CUL5: variants seen among roughly 807,000 people sequenced by gnomAD.
CUL5 encodes the protein cullin 5.
Under a neutral mutation model 108.8 loss-of-function variants are expected in CUL5, and 26 were observed. The ratio of observed to expected loss-of-function variants is 0.24; its 90% CI spans 0.18 to 0.33. The LOEUF (loss-of-function observed/expected upper bound fraction) is 0.33, where lower values mean the gene tolerates loss of function less well. Among genes scored for constraint, CUL5 ranks in the 10% least tolerant of loss-of-function variants. The pLI, the probability that CUL5 is intolerant of heterozygous loss-of-function variation, is 1.00. For missense variants in CUL5, 524 were observed against 909.2 expected (o/e 0.58, Z 5.45); for synonymous variants, 334 against 298.0 (o/e 1.12, Z -1.25).
chr11:108,064,574 G>A (rs950642523), intron 7 of CUL5, among the ~76,000 whole-genome samples: 1 of 152,114 alleles, frequency 6.6e-6, no homozygotes. Flanking sequence ...AGCGGGCGAG[G>A]TGTCAGGTGC....
chr11:108,101,556 T>C (rs572266968), intron 18 of CUL5, among the ~76,000 whole-genome samples: 2 of 152,364 alleles, frequency 1.3e-5, no homozygotes, highest in Admixed American at 6.5e-5. Flanking sequence ...CACACTGTCA[T>C]TGTTCTCTGC....
At position 108,052,643 on chromosome 11, in the gene CUL5, T is replaced by C. The variant is rs757316407; in HGVS notation, c.412-17T>C. 1 of 1,582,202 alleles carries C rather than the reference T, an allele frequency of 6.3e-7. No individual in the cohort carries two copies. Among genetic ancestry groups the C allele is most frequent in the East Asian group, 2.2e-5 (1 of 44,538 alleles). On this transcript the variant is annotated splice_polypyrimidine_tract_variant and intron_variant, in intron 4 of 18. Transcript: ENST00000393094. ...AATAATTGAAAATTATGTTACAATT[T>C]GTTCTTGTTTTCCTAGCTTATGCTT...
intron 11 of CUL5, among the ~76,000 whole-genome samples, chr11:108,086,395 GC>G (rs1261687283): frequency 6.6e-6 from 1 of 152,154 alleles, no homozygotes; most frequent in East Asian, 1.9e-4. Context: ...TTCAAGACCA[GC>G]CTGAGCAATG....
In CUL5 at chr11:108,106,578, C is replaced by T. The variant is rs1418139185; in HGVS notation, c.*2194C>T. On this transcript the variant is annotated 3_prime_UTR_variant, in exon 19 of 19. Transcript: ENST00000393094. ...TTGGTTATGTATACAAAAGTTTTAA[C>T]TACTTTTTGGTGTTTATGAAAATCA... 5.4e-5 allele frequency: 7 copies of T among 129,642 alleles called. No homozygotes were observed. The highest frequency in any genetic ancestry group is 2.0e-4 in the African/African-American group (7 of 34,510). 8.0% of individuals were successfully genotyped at this position (129,642 alleles called of 1,614,324 possible).
chr11:108,045,699 C>G (rs572719457), intron 2 of CUL5, among the ~76,000 whole-genome samples: 1 of 151,876 alleles, frequency 6.6e-6, no homozygotes, highest in African/African-American at 2.4e-5. Context: ...GTTTCTACAA[C>G]AAAATTTAAA....
chr11:108,046,288 T>C lies in CUL5; in HGVS notation c.153T>C (p.Cys51=). 2 of 1,612,248 alleles carry C rather than the reference T, an allele frequency of 1.2e-6. No individual in the cohort carries two copies. The highest frequency in any genetic ancestry group is 1.7e-6 in the Non-Finnish European group (2 of 1,178,862). The change falls in exon 3 of 19, where the codon TGT becomes TGC. Residue 51 remains cysteine, a synonymous_variant. Transcript: ENST00000393094. ...TTCACAGGGATGTGCATGCAGTCTG[T>C]CTTTGGGATGATAAAGGCCCAGCAA... The part of the protein sequence containing the change: ...FDLFSDVHAV[C]LWDDKGPAKI...
At chr11:108,036,382 T>C (rs1258050390) in intron 2 of CUL5, among the ~76,000 whole-genome samples, 1 of 152,242 alleles carries the variant, frequency 6.6e-6, no homozygotes, top group Non-Finnish European at 1.5e-5. Context: ...ATGAAATGAC[T>C]AGCAGCATAT....
intron 13 of CUL5, among the ~76,000 whole-genome samples, chr11:108,089,976 G>T (rs1287827050): frequency 6.6e-6 from 1 of 151,714 alleles, no homozygotes; most frequent in Middle Eastern, 3.2e-3. Flanking sequence ...GGAGGTGGAG[G>T]TTGCAGTGAG....
At chr11:108,057,094 A>G (rs777896795) in intron 7 of CUL5, among the ~76,000 whole-genome samples, 19 of 151,600 alleles carry the variant, frequency 1.3e-4, no homozygotes, top group Non-Finnish European at 5.9e-5. Context: ...TGTTAGTCAT[A>G]TCATAGCCAC....
At chr11:108,009,918 A>G (rs556935903) in intron 1 of CUL5, among the ~76,000 whole-genome samples, 2 of 151,254 alleles carry the variant, frequency 1.3e-5, no homozygotes, top group African/African-American at 2.4e-5. Flanking sequence ...TAATTCTCCC[A>G]TTCTTGAGTT....
chr11:108,094,420 C>A lies in CUL5; in HGVS notation c.1473C>A (p.Asn491Lys). ...REVGMPADYV[N>K]KLARMFQDIK... ...TTGGTATGCCAGCGGATTATGTAAACAAGCTTGCTAGAATGTTTCAGGACA... is the reference window on the plus strand; with the variant it reads ...TTGGTATGCCAGCGGATTATGTAAAAAAGCTTGCTAGAATGTTTCAGGACA... The change falls in exon 14 of 19, where the codon AAC (asparagine) becomes AAA (lysine). Residue 491 changes from asparagine (N) to lysine (K), a missense_variant. Coordinates refer to ENST00000393094, the MANE Select transcript of CUL5 (RefSeq NM_003478.6). 6.3e-7 allele frequency: 1 copy of A among 1,586,720 alleles called. No homozygotes were observed. The highest frequency in any genetic ancestry group is 1.4e-5 in the African/African-American group (1 of 74,042).
chr11:108,031,000 G>A (rs1041479220), intron 1 of CUL5, among the ~76,000 whole-genome samples: 2 of 152,112 alleles, frequency 1.3e-5, no homozygotes, highest in African/African-American at 4.8e-5. Flanking sequence ...CAGGGAGTTT[G>A]CATATTCCAT....
intron 8 of CUL5, among the ~76,000 whole-genome samples, chr11:108,070,619 A>G (rs1483302622): frequency 5.2e-4 from 4 of 7,712 alleles, no homozygotes; most frequent in African/African-American, 5.9e-4. Context: ...TAAGATTTCT[A>G]AAGGATTTTT....
chr11:108,101,636 T>A (rs1382331832), intron 18 of CUL5, among the ~76,000 whole-genome samples: 2 of 152,230 alleles, frequency 1.3e-5, no homozygotes, highest in African/African-American at 4.8e-5. Context: ...TCGAAACTCT[T>A]GCTGTCACAC....
intron 3 of CUL5, among the ~76,000 whole-genome samples, chr11:108,048,108 C>A (rs180701212): frequency 6.6e-6 from 1 of 150,938 alleles, no homozygotes; most frequent in Non-Finnish European, 1.5e-5. Context: ...GATTTTTAAA[C>A]GCTTAAGAAA....
intron 1 of CUL5, among the ~76,000 whole-genome samples, chr11:108,027,787 A>G (rs1450034780): frequency 2.6e-5 from 4 of 152,192 alleles, no homozygotes; most frequent in African/African-American, 9.7e-5. Flanking sequence ...TTCTGTGGAC[A>G]AAGTTTCAGT....
At chr11:108,033,337 G>A (rs754901618) in intron 1 of CUL5, among the ~76,000 whole-genome samples, 4 of 152,102 alleles carry the variant, frequency 2.6e-5, no homozygotes, top group Admixed American at 2.0e-4. Flanking sequence ...TTCAGTCTCC[G>A]TGTTGAGTGA....
chr11:108,105,516 A>G lies in CUL5; in HGVS notation c.*1132A>G, dbSNP rs1864775708. On this transcript the variant is annotated 3_prime_UTR_variant, in exon 19 of 19. Coordinates refer to ENST00000393094, the MANE Select transcript of CUL5 (RefSeq NM_003478.6). ...AATACGAGCAGTAAACTTGCCAAAT[A>G]TATGTACATATATATTTATATATTT... 1 of 152,460 alleles carries G rather than the reference A, an allele frequency of 6.6e-6. No individual in the cohort carries two copies. The highest frequency in any genetic ancestry group is 2.4e-5 in the African/African-American group (1 of 41,422). 9.4% of individuals were successfully genotyped at this position (152,460 alleles called of 1,614,324 possible).
chr11:108,050,569 T>C (rs1294440305), intron 4 of CUL5, among the ~76,000 whole-genome samples: 5 of 152,136 alleles, frequency 3.3e-5, no homozygotes, highest in African/African-American at 1.2e-4. Context: ...GGTTTCACCA[T>C]GTTGGCCAGG....
Sources: gnomAD v4.1 joint callset for allele counts (sites outside exome capture counted in the v4.1 genomes callset) on GRCh38, gnomAD v4.1.1 for gene constraint, MANE v1.5 for transcripts, NCBI Gene and HGNC (gene_info 2026-07-23, HGNC 2026-07-21) for gene names.